Variants in AGBL4 observed in about 807,000 individuals in gnomAD.
AGBL4 encodes the protein AGBL carboxypeptidase 4, also known as cytosolic carboxypeptidase 6.
In AGBL4, 58 loss-of-function variants were observed where a neutral mutation model predicts 66.4. That is an observed-to-expected ratio of 0.87 (90% CI 0.71 to 1.09). The LOEUF is 1.09. Among genes scored for constraint, AGBL4 ranks in the 50% least tolerant of loss-of-function variants. The pLI is 0.00. For missense variants in AGBL4, 579 were observed against 631.0 expected (o/e 0.92, Z 0.88); for synonymous variants, 234 against 222.9 (o/e 1.05, Z -0.44).
chr1:49,178,496 A>G (rs548965353), intron 4 of AGBL4, among the ~76,000 whole-genome samples: 2 of 152,304 alleles, frequency 1.3e-5, no homozygotes, highest in South Asian at 2.1e-4. Flanking sequence ...CACGCCATAT[A>G]GTAATTATGA....
chr1:48,890,742 A>G (rs939375020), intron 5 of AGBL4, among the ~76,000 whole-genome samples: 3 of 152,200 alleles, frequency 2.0e-5, no homozygotes, highest in African/African-American at 7.2e-5. Flanking sequence ...CCCGTACTCT[A>G]TTCTGTGGCA....
intron 3 of AGBL4, among the ~76,000 whole-genome samples, chr1:49,630,841 T>C (rs1361428034): frequency 6.6e-6 from 1 of 151,952 alleles, no homozygotes; most frequent in Non-Finnish European, 1.5e-5. Context: ...AGTCAAAGAG[T>C]TGGACTCAGT....
chr1:49,502,952 G>C (rs1648308708), intron 3 of AGBL4, among the ~76,000 whole-genome samples: 1 of 152,120 alleles, frequency 6.6e-6, no homozygotes. Flanking sequence ...AAATTTGCAT[G>C]AGTAATGATG....
At chr1:49,501,646 A>T (rs547886274) in intron 3 of AGBL4, among the ~76,000 whole-genome samples, 1 of 151,624 alleles carries the variant, frequency 6.6e-6, no homozygotes, top group East Asian at 1.9e-4. Flanking sequence ...TCACTTATTT[A>T]TATTTTTATC....
intron 9 of AGBL4, among the ~76,000 whole-genome samples, chr1:48,620,668 ATAT>A (rs1449177345): frequency 1.3e-5 from 2 of 152,222 alleles, no homozygotes; most frequent in Admixed American, 1.3e-4. Context: ...TGATAATGAA[ATAT>A]TATTCAGAAG....
At chr1:49,813,537 TAC>T (rs1645158418) in intron 2 of AGBL4, among the ~76,000 whole-genome samples, 1 of 152,168 alleles carries the variant, frequency 6.6e-6, no homozygotes, top group South Asian at 2.1e-4. Context: ...TAATACCCTA[TAC>T]AGACTCTGCT....
At chr1:48,530,062 T>C (rs1643897462), downstream of AGBL4, among the ~76,000 whole-genome samples, 1 of 151,800 alleles carries the variant, frequency 6.6e-6, no homozygotes, top group Admixed American at 6.5e-5. Flanking sequence ...TGCCATTGTT[T>C]ACTTGTTATT....
At chr1:49,687,597 C>T (rs190699068) in intron 3 of AGBL4, among the ~76,000 whole-genome samples, 25 of 151,966 alleles carry the variant, frequency 1.6e-4, no homozygotes, top group Admixed American at 1.4e-3. Context: ...CACAGTGAAA[C>T]CTCATCTCTA....
Position 48,736,114 on chromosome 1 carries a change from G to T in AGBL4, c.635-72873C>A. 1 of 1,100,434 alleles carries T rather than the reference G, an allele frequency of 9.1e-7. No individual in the cohort carries two copies. Among genetic ancestry groups the T allele is most frequent in the Non-Finnish European group, 1.3e-6 (1 of 745,950 alleles). 68.2% of individuals were successfully genotyped at this position (1,100,434 alleles called of 1,614,324 possible). A position where few individuals can be genotyped will look rare whatever the true frequency, so the allele number is the denominator to read the frequency against. ...TTGGGTTATCCGCTTGGTGTCCCCG[G>T]GCTCAGCCCAGGGTCTGGCATGCAG... On this transcript the variant is annotated intron_variant, in intron 6 of 13. Transcript: ENST00000371839. This position sits in a 1 kb window ranked among gnomAD's most constrained non-coding sequence, Gnocchi z 4.0.
At chr1:48,985,347 C>A (rs756876517) in intron 5 of AGBL4, among the ~76,000 whole-genome samples, 14 of 151,932 alleles carry the variant, frequency 9.2e-5, no homozygotes, top group Non-Finnish European at 2.1e-4. Flanking sequence ...GAGTAGAAGA[C>A]AGAAAAAATT....
intron 6 of AGBL4, among the ~76,000 whole-genome samples, chr1:48,751,602 C>T (rs1359394148): frequency 3.3e-5 from 5 of 152,192 alleles, no homozygotes; most frequent in African/African-American, 1.2e-4. Flanking sequence ...CAGGCTTTGC[C>T]TGTAATGAAC....
intron 6 of AGBL4, among the ~76,000 whole-genome samples, chr1:48,668,567 T>C (rs575037569): frequency 6.6e-6 from 1 of 152,264 alleles, no homozygotes; most frequent in South Asian, 2.1e-4. Context: ...TGGGCACATG[T>C]TCTGTTTTCT....
At chr1:49,682,794 C>T (rs990587638) in intron 3 of AGBL4, among the ~76,000 whole-genome samples, 3 of 152,120 alleles carry the variant, frequency 2.0e-5, no homozygotes, top group Non-Finnish European at 4.4e-5. Flanking sequence ...CACTGGGCTT[C>T]GCAAATTATG....
chr1:49,611,246 C>G (rs1645148810), intron 3 of AGBL4, among the ~76,000 whole-genome samples: 1 of 152,030 alleles, frequency 6.6e-6, no homozygotes, highest in Non-Finnish European at 1.5e-5. Flanking sequence ...CTGATTAAGT[C>G]CATAAAAGTC....
chr1:49,916,174 C>T (rs185032344), intron 1 of AGBL4, among the ~76,000 whole-genome samples: 5 of 152,130 alleles, frequency 3.3e-5, no homozygotes, highest in African/African-American at 4.8e-5. Flanking sequence ...AAAATCTGAG[C>T]GCCCCTCCCC....
chr1:49,618,224 T>G (rs1175236083), intron 3 of AGBL4, among the ~76,000 whole-genome samples: 1 of 152,196 alleles, frequency 6.6e-6, no homozygotes. Flanking sequence ...ACGGTATACC[T>G]GTGCCACATT....
At chr1:49,021,361 T>C (rs1663234628) in intron 5 of AGBL4, among the ~76,000 whole-genome samples, 1 of 152,158 alleles carries the variant, frequency 6.6e-6, no homozygotes, top group Non-Finnish European at 1.5e-5. Context: ...TGAACGTTTG[T>C]GTCCCCTTCC....
At chr1:49,939,837 C>T (rs1654550243) in intron 1 of AGBL4, among the ~76,000 whole-genome samples, 1 of 152,030 alleles carries the variant, frequency 6.6e-6, no homozygotes, top group South Asian at 2.1e-4. Flanking sequence ...CAACAAAAGC[C>T]AAAATTGACA....
chr1:48,658,129 C>G (rs1181086654), intron 7 of AGBL4, among the ~76,000 whole-genome samples: 5 of 152,186 alleles, frequency 3.3e-5, no homozygotes, highest in Non-Finnish European at 5.9e-5. Flanking sequence ...GAAAGAAAGT[C>G]AGGGTGTGGC....
Sources: gnomAD v4.1 joint callset for allele counts (sites outside exome capture counted in the v4.1 genomes callset) on GRCh38, gnomAD v4.1.1 for gene constraint, Gnocchi (gnomAD v3.1) non-coding constraint, MANE v1.5 for transcripts, NCBI Gene and HGNC (gene_info 2026-07-23, HGNC 2026-07-21) for gene names.